Variants in UBE2L3 observed in about 807,000 individuals in gnomAD.
UBE2L3 encodes the protein ubiquitin-conjugating enzyme E2 L3.
A neutral mutation model predicts 17.8 loss-of-function variants in UBE2L3; 1 was observed. That is an observed-to-expected ratio of 0.06 (90% CI 0.02 to 0.27). The LOEUF (loss-of-function observed/expected upper bound fraction) is 0.27, where lower values mean the gene tolerates loss of function less well. Ranked by LOEUF, UBE2L3 falls within the 10% of genes least tolerant of loss-of-function variation. UBE2L3 has a pLI of 1.00. For missense variants in UBE2L3, 40 were observed against 192.6 expected (o/e 0.21, Z 4.69); for synonymous variants, 44 against 68.5 (o/e 0.64, Z 1.76).
intron 2 of UBE2L3, among the ~76,000 whole-genome samples, chr22:21,601,896 C>T (rs528857878): frequency 3.4e-5 from 5 of 148,972 alleles, no homozygotes; most frequent in African/African-American, 7.4e-5. Context: ...GGCGTGAACC[C>T]GGGAGGCGGA....
intron 2 of UBE2L3, among the ~76,000 whole-genome samples, chr22:21,607,366 T>A (rs1301342396): frequency 6.7e-6 from 1 of 148,778 alleles, no homozygotes; most frequent in East Asian, 2.0e-4. Flanking sequence ...AAAAAAAAAA[T>A]TAGTCGGGCA....
chr22:21,594,938 C>A (rs1029151603), intron 2 of UBE2L3, among the ~76,000 whole-genome samples: 2 of 152,226 alleles, frequency 1.3e-5, no homozygotes, highest in Non-Finnish European at 2.9e-5. Flanking sequence ...AAGGCTTGGG[C>A]AGTCTGGCCC....
At chr22:21,619,167 C>T (rs1929928563) in intron 3 of UBE2L3, among the ~76,000 whole-genome samples, 1 of 152,218 alleles carries the variant, frequency 6.6e-6, no homozygotes, top group Non-Finnish European at 1.5e-5. Flanking sequence ...AGCAGTCTCA[C>T]ACCGAGGGTG....
chr22:21,556,433 ATCAT>A (rs947113039), intron 1 of UBE2L3, among the ~76,000 whole-genome samples: 1 of 152,238 alleles, frequency 6.6e-6, no homozygotes, highest in Non-Finnish European at 1.5e-5. Context: ...AAATTGTTTT[ATCAT>A]TTATTTTTTG....
At chr22:21,606,334 G>A (rs953228615) in intron 2 of UBE2L3, among the ~76,000 whole-genome samples, 1 of 151,600 alleles carries the variant, frequency 6.6e-6, no homozygotes, top group Non-Finnish European at 1.5e-5. Flanking sequence ...TGTGTGTGGT[G>A]TGTGTGTGTG....
intron 1 of UBE2L3, chr22:21,568,113 C>A: frequency 9.2e-7 from 1 of 1,092,664 alleles, no homozygotes; most frequent in Non-Finnish European, 1.1e-6. Flanking sequence ...TTGGGAGGCT[C>A]CAAACCGGGC....
At chr22:21,568,534 C>G (rs1483051911) in intron 1 of UBE2L3, among the ~76,000 whole-genome samples, 2 of 152,108 alleles carry the variant, frequency 1.3e-5, no homozygotes, top group Non-Finnish European at 2.9e-5. Flanking sequence ...CAAAACGGGC[C>G]AAAGTTTATA....
chr22:21,614,640 C>T (rs779228476), intron 3 of UBE2L3: 16 of 1,366,428 alleles, frequency 1.2e-5, no homozygotes, highest in Middle Eastern at 2.1e-4. Flanking sequence ...CTGTAGCTGA[C>T]TTTAGCCACC....
chr22:21,603,757 G>A (rs1928991589), intron 2 of UBE2L3, among the ~76,000 whole-genome samples: 1 of 149,878 alleles, frequency 6.7e-6, no homozygotes, highest in South Asian at 2.1e-4. Flanking sequence ...GCAGGAGAAT[G>A]ATATGAGAGG....
chr22:21,615,354 G>A (rs959091652), intron 3 of UBE2L3, among the ~76,000 whole-genome samples: 2 of 151,884 alleles, frequency 1.3e-5, no homozygotes, highest in African/African-American at 2.4e-5. Context: ...AGGAGATTGA[G>A]ACCATCCTGG....
chr22:21,596,115 C>T lies in UBE2L3; in HGVS notation c.123+3159C>T, dbSNP rs938750930. ...TCTTGACCTTGTGATCCACCCTCCT[C>T]AGTCTCCCAAAGTGCTGGGATTACA... On this transcript the variant is annotated intron_variant, in intron 2 of 3. Transcript: ENST00000342192. Among the ~76,000 whole-genome samples, 20 of 152,294 alleles carry T rather than the reference C, an allele frequency of 1.3e-4. No homozygotes were observed. In the East Asian group the frequency reaches 3.9e-3, roughly 29 times the overall value.
chr22:21,558,368 T>G (rs406808), intron 1 of UBE2L3, among the ~76,000 whole-genome samples: 1 of 152,166 alleles, frequency 6.6e-6, no homozygotes, highest in East Asian at 1.9e-4. Context: ...CGCAGTGGCT[T>G]ACGCCTGTAA....
chr22:21,614,440 AG>A, intron 3 of UBE2L3: 8 of 526,898 alleles, frequency 1.5e-5, no homozygotes, highest in Admixed American at 2.7e-5. Flanking sequence ...AAAAAAAAAA[AG>A]AAAGAAAGAA....
intron 2 of UBE2L3, among the ~76,000 whole-genome samples, chr22:21,604,722 G>A (rs956953359): frequency 5.9e-5 from 9 of 152,080 alleles, no homozygotes; most frequent in Admixed American, 5.9e-4. Flanking sequence ...TACCCGGAAG[G>A]TATATCTTAT....
intron 1 of UBE2L3, among the ~76,000 whole-genome samples, chr22:21,590,665 A>G (rs755488844): frequency 6.6e-6 from 1 of 151,968 alleles, no homozygotes; most frequent in Non-Finnish European, 1.5e-5. Context: ...TTTTTTTCCT[A>G]TCTGTATTTG....
intron 3 of UBE2L3, among the ~76,000 whole-genome samples, chr22:21,619,552 C>T (rs1929950533): frequency 6.6e-6 from 1 of 152,240 alleles, no homozygotes; most frequent in Non-Finnish European, 1.5e-5. Flanking sequence ...CCCATTCTCA[C>T]CAGGCACAGT....
Position 21,597,775 on chromosome 22 carries a change from A to ATTTTTTTTTTTT in UBE2L3, c.123+4840_123+4851dup, listed in dbSNP as rs35054754. ...GGATCTTTGATCCATTTATATGTAG[A>ATTTTTTTTTTTT]TTTTTTTTTTTTTTTTTTTTTTTTT... On this transcript the variant is annotated intron_variant, in intron 2 of 3. Transcript: ENST00000342192. Among the ~76,000 whole-genome samples, 49 of 25,600 alleles carry ATTTTTTTTTTTT rather than the reference A, an allele frequency of 1.9e-3. 16 individuals carry two copies. Among genetic ancestry groups the ATTTTTTTTTTTT allele is most frequent in the Admixed American group, 3.8e-3 (5 of 1,300 alleles). 16.8% of individuals were successfully genotyped at this position (25,600 alleles called of 152,430 possible). A position where few individuals can be genotyped will look rare whatever the true frequency, so the allele number is the denominator to read the frequency against.
At chr22:21,557,345 C>T (rs1471994858) in intron 1 of UBE2L3, among the ~76,000 whole-genome samples, 5 of 152,208 alleles carry the variant, frequency 3.3e-5, no homozygotes, top group Non-Finnish European at 5.9e-5. Flanking sequence ...TCCACCTGGA[C>T]GAAAGAGCCA....
chr22:21,604,019 C>G (rs935375605), intron 2 of UBE2L3, among the ~76,000 whole-genome samples: 3 of 150,770 alleles, frequency 2.0e-5, no homozygotes, highest in African/African-American at 7.3e-5. Context: ...TTAAGCAATC[C>G]TCCCACCTCG....
Sources: gnomAD v4.1 joint callset for allele counts (sites outside exome capture counted in the v4.1 genomes callset) on GRCh38, gnomAD v4.1.1 for gene constraint, MANE v1.5 for transcripts, NCBI Gene and HGNC (gene_info 2026-07-23, HGNC 2026-07-21) for gene names.